Variants in RAPGEF2 observed in about 807,000 individuals in gnomAD.
RAPGEF2 encodes Rap guanine nucleotide exchange factor 2.
Under a neutral mutation model 186.7 loss-of-function variants are expected in RAPGEF2, and 54 were observed. That is an observed-to-expected ratio of 0.29 (90% CI 0.23 to 0.36). The LOEUF (loss-of-function observed/expected upper bound fraction) is 0.36, where lower values mean the gene tolerates loss of function less well. RAPGEF2 is among the 10% of genes least tolerant of loss of function. The pLI is 1.00. For synonymous variants in RAPGEF2, 712 were observed against 705.9 expected (o/e 1.01, Z -0.14); for missense variants, 1,532 against 2,045.0 (o/e 0.75, Z 4.84).
chr4:159,238,908 A>C (rs555749040), intron 5 of RAPGEF2, 24 bp downstream of exon 5: 2 of 1,416,040 alleles, frequency 1.4e-6, no homozygotes, highest in Non-Finnish European at 1.8e-6. Context: ...TGTGAGGACT[A>C]TTTTTCCCCT....
chr4:159,141,090 C>T (rs574231365), intron 1 of RAPGEF2, among the ~76,000 whole-genome samples: 24 of 152,198 alleles, frequency 1.6e-4, no homozygotes, highest in African/African-American at 5.1e-4. Context: ...TGAGATGCTG[C>T]GCCTGGCCTA....
At chr4:159,260,956 G>T (rs952069891) in intron 7 of RAPGEF2, among the ~76,000 whole-genome samples, 6 of 152,180 alleles carry the variant, frequency 3.9e-5, no homozygotes, top group African/African-American at 1.2e-4. Context: ...GTCCATATTG[G>T]TCAGGCTGGT....
At position 159,251,184 on chromosome 4, in the gene RAPGEF2, G is replaced by A. The variant is rs1466054037; in HGVS notation, c.543+7393G>A. Among the ~76,000 whole-genome samples, 4 of 152,212 alleles carry A rather than the reference G, an allele frequency of 2.6e-5. No homozygotes were observed. The South Asian group carries it at 6.2e-4, about 24-fold the overall frequency. ...GCCACCTCCCCATGGGGCAGGGCTC[G>A]GGACCTGCAGCCCGCCATGTCCGAG... On this transcript the variant is annotated intron_variant, in intron 7 of 29. Coordinates refer to ENST00000691494, the MANE Select transcript of RAPGEF2 (RefSeq NM_001394067.2).
chr4:159,110,330 C>G (rs898897328), intron 1 of RAPGEF2, among the ~76,000 whole-genome samples: 1 of 152,102 alleles, frequency 6.6e-6, no homozygotes, highest in Non-Finnish European at 1.5e-5. Context: ...GCTCATGCCT[C>G]TAATCCTAGC....
At chr4:159,254,450 C>G (rs1006926272) in intron 7 of RAPGEF2, among the ~76,000 whole-genome samples, 1 of 152,160 alleles carries the variant, frequency 6.6e-6, no homozygotes, top group South Asian at 2.1e-4. Flanking sequence ...AGATTTGATT[C>G]ACTGGTTTTT....
intron 7 of RAPGEF2, among the ~76,000 whole-genome samples, chr4:159,276,074 T>C (rs1210066716): frequency 3.9e-5 from 6 of 152,196 alleles, no homozygotes; most frequent in Non-Finnish European, 7.4e-5. Context: ...AGTATCCCAG[T>C]ATCTTTAATT....
intron 17 of RAPGEF2, among the ~76,000 whole-genome samples, chr4:159,333,859 C>T (rs989061182): frequency 3.9e-5 from 6 of 152,170 alleles, no homozygotes; most frequent in African/African-American, 1.4e-4. Context: ...AGTAGATATG[C>T]AGGACTATAT....
chr4:159,240,710 TAGA>T (rs1415910070), intron 5 of RAPGEF2, among the ~76,000 whole-genome samples: 3 of 151,360 alleles, frequency 2.0e-5, no homozygotes, highest in Non-Finnish European at 4.4e-5. Flanking sequence ...GGAATGAAAG[TAGA>T]AGGAGAAACC....
intron 1 of RAPGEF2, among the ~76,000 whole-genome samples, chr4:159,150,034 G>A (rs181179166): frequency 5.9e-5 from 9 of 152,128 alleles, no homozygotes; most frequent in East Asian, 3.9e-4. Context: ...TCTAGACTTC[G>A]CAAATCCCAG....
chr4:159,290,204 C>T (rs1761021025), intron 7 of RAPGEF2, among the ~76,000 whole-genome samples: 1 of 152,222 alleles, frequency 6.6e-6, no homozygotes. Context: ...AGTGCTGTCA[C>T]ACATAGTGGG....
chr4:159,236,974 T>A (rs183423026), intron 4 of RAPGEF2, among the ~76,000 whole-genome samples: 101 of 152,200 alleles, frequency 6.6e-4, no homozygotes, highest in East Asian at 3.7e-3. Flanking sequence ...TATCAAAAAA[T>A]TTTTTTTCAA....
At chr4:159,233,909 A>T (rs1038976978) in intron 4 of RAPGEF2, among the ~76,000 whole-genome samples, 15 of 151,768 alleles carry the variant, frequency 9.9e-5, no homozygotes, top group African/African-American at 3.4e-4. Flanking sequence ...TATTTTGATT[A>T]CTGTAGCTTT....
chr4:159,205,631 GATGAGTGTTC>G (rs1331834847), intron 3 of RAPGEF2, among the ~76,000 whole-genome samples: 1 of 152,144 alleles, frequency 6.6e-6, no homozygotes, highest in Non-Finnish European at 1.5e-5. Context: ...CATGATAGTG[GATGAGTGTTC>G]ATGAGATCTG....
intron 1 of RAPGEF2, among the ~76,000 whole-genome samples, chr4:159,179,116 ATTG>A (rs1294712526): frequency 6.6e-6 from 1 of 152,066 alleles, no homozygotes; most frequent in Non-Finnish European, 1.5e-5. Context: ...CGAAAGACTT[ATTG>A]TTCTAAAAAA....
In RAPGEF2 at chr4:159,307,632, C is replaced by A. The variant is rs371535149; in HGVS notation, c.675+3159C>A. 1.7e-4 allele frequency among the ~76,000 whole-genome samples: 26 copies of A among 152,234 alleles called. No individual in the cohort carries two copies. The East Asian group carries it at 2.3e-3, about 14-fold the overall frequency. Reference sequence around the variant, plus strand: ...TATCACTGTTCTCATCAAATAAATACAAACTTGGATGAAACTCCTAAAAGG... The same window carrying A: ...TATCACTGTTCTCATCAAATAAATAAAAACTTGGATGAAACTCCTAAAAGG... On this transcript the variant is annotated intron_variant, in intron 8 of 29. Coordinates refer to ENST00000691494, the MANE Select transcript of RAPGEF2 (RefSeq NM_001394067.2).
chr4:159,262,215 C>T (rs1343682321), intron 7 of RAPGEF2, among the ~76,000 whole-genome samples: 1 of 152,166 alleles, frequency 6.6e-6, no homozygotes, highest in African/African-American at 2.4e-5. Context: ...TGTGGTTCCC[C>T]TCATCTAACT....
At chr4:159,165,177 G>T (rs911732422) in intron 1 of RAPGEF2, among the ~76,000 whole-genome samples, 1 of 152,058 alleles carries the variant, frequency 6.6e-6, no homozygotes, top group Non-Finnish European at 1.5e-5. Flanking sequence ...ATTTCCAGCT[G>T]TTTTGTTGAA....
chr4:159,136,400 A>G (rs572701756), intron 1 of RAPGEF2, among the ~76,000 whole-genome samples: 3 of 152,312 alleles, frequency 2.0e-5, no homozygotes, highest in South Asian at 4.1e-4. Context: ...AGGTTTGATT[A>G]AGAGGGTGAA....
intron 1 of RAPGEF2, among the ~76,000 whole-genome samples, chr4:159,109,524 G>A (rs1738263446): frequency 6.6e-6 from 1 of 152,140 alleles, no homozygotes; most frequent in South Asian, 2.1e-4. Context: ...TTAGTGTAAT[G>A]CCTAATGTTA....
Sources: allele counts gnomAD v4.1 joint callset (sites outside exome capture counted in the v4.1 genomes callset), GRCh38; gene constraint gnomAD v4.1.1; transcripts MANE v1.5; gene names NCBI Gene and HGNC (gene_info 2026-07-23, HGNC 2026-07-21).